Variants in OSBPL9 observed in about 807,000 individuals in gnomAD.
OSBPL9 encodes the protein oxysterol-binding protein-related protein 9.
A neutral mutation model predicts 106.6 loss-of-function variants in OSBPL9; 40 were observed. That is an observed-to-expected ratio of 0.38 (90% CI 0.29 to 0.49). OSBPL9 has a LOEUF of 0.49. OSBPL9 is among the 20% of genes least tolerant of loss of function. OSBPL9 has a pLI of 0.97. For synonymous variants in OSBPL9, 269 were observed against 295.4 expected (o/e 0.91, Z 0.92); for missense variants, 609 against 887.2 (o/e 0.69, Z 3.98).
intron 9 of OSBPL9, among the ~76,000 whole-genome samples, chr1:51,758,251 A>G (rs561094690): frequency 6.6e-6 from 1 of 152,280 alleles, no homozygotes; most frequent in African/African-American, 2.4e-5. Context: ...ATTCTACAAA[A>G]TAGAATGAGA....
chr1:51,678,655 T>C (rs999198124), intron 3 of OSBPL9, among the ~76,000 whole-genome samples: 1 of 152,188 alleles, frequency 6.6e-6, no homozygotes, highest in African/African-American at 2.4e-5. Flanking sequence ...AGCAAGACTC[T>C]GTCTCCAAAA....
chr1:51,782,491 T>C, intron 16 of OSBPL9, 68 bp from the exon 17 acceptor site: 7 of 1,297,350 alleles, frequency 5.4e-6, no homozygotes, highest in South Asian at 4.4e-5. Flanking sequence ...AGACCCCAAT[T>C]ACCAGATTCT....
At chr1:51,581,531 A>G (rs1645221582) in intron 1 of OSBPL9, among the ~76,000 whole-genome samples, 1 of 152,198 alleles carries the variant, frequency 6.6e-6, no homozygotes, top group South Asian at 2.1e-4. Context: ...CACCTCTTTG[A>G]GGGCAGAGTA....
chr1:51,770,229 C>T (rs1673567432), intron 12 of OSBPL9, among the ~76,000 whole-genome samples: 1 of 151,794 alleles, frequency 6.6e-6, no homozygotes, highest in Non-Finnish European at 1.5e-5. Flanking sequence ...GCAACCTCCA[C>T]CTCCCAGGTT....
intron 3 of OSBPL9, among the ~76,000 whole-genome samples, chr1:51,691,364 C>G (rs758211745): frequency 6.2e-5 from 9 of 146,154 alleles, no homozygotes; most frequent in Non-Finnish European, 8.9e-5. Context: ...ACTGCAACCT[C>G]TGACTCCTGG....
At chr1:51,590,360 C>G (rs1645268366) in intron 1 of OSBPL9, among the ~76,000 whole-genome samples, 1 of 151,564 alleles carries the variant, frequency 6.6e-6, no homozygotes, top group African/African-American at 2.4e-5. Flanking sequence ...GTGGCTCAAG[C>G]CTGTAATCCC....
Position 51,784,575 on chromosome 1 carries a change from G to A in OSBPL9, c.1822G>A (p.Glu608Lys), listed in dbSNP as rs369639185. Residue 608 changes from glutamate to lysine, a missense_variant, in exon 20 of 24, where the codon GAG becomes AAG. Glu to Lys is a moderately conservative substitution (Grantham distance 56). Coordinates refer to ENST00000428468, the MANE Select transcript of OSBPL9 (RefSeq NM_024586.6). The stretch of plus-strand genomic sequence containing the variant: ...GGGCAAGAAGCACAGAATTACTGCC[G>A]AGATTTTGTAGGTATTTTTTCTGCC... Reference protein sequence around the residue: ...YGGKKHRITAEIFSPNDKKSF... With the variant: ...YGGKKHRITAKIFSPNDKKSF... 1.7e-5 allele frequency: 27 copies of A among 1,613,760 alleles called. No homozygotes were observed. Among genetic ancestry groups the A allele is most frequent in the Non-Finnish European group, 2.2e-5 (26 of 1,179,894 alleles).
At chr1:51,526,690 T>C in the OSBPL9 span, among the ~76,000 whole-genome samples, 1 of 152,066 alleles carries the variant, frequency 6.6e-6, no homozygotes, top group Non-Finnish European at 1.5e-5. Flanking sequence ...TTAAATCTAG[T>C]GGCCTGGAAT....
intron 2 of OSBPL9, among the ~76,000 whole-genome samples, chr1:51,605,035 G>C (rs1363516051): frequency 6.6e-6 from 1 of 152,204 alleles, no homozygotes; most frequent in Admixed American, 6.5e-5. Flanking sequence ...ACATGGCAGA[G>C]TTGGGTGTTT....
chr1:51,735,974 CTA>C (rs761409754), intron 4 of OSBPL9, among the ~76,000 whole-genome samples: 16 of 152,158 alleles, frequency 1.1e-4, no homozygotes, highest in Non-Finnish European at 2.2e-4. Context: ...TAAAATAACT[CTA>C]TGAGTTATTT....
chr1:51,687,922 G>A (rs553950263), intron 3 of OSBPL9, among the ~76,000 whole-genome samples: 86 of 152,346 alleles, frequency 5.6e-4, no homozygotes, highest in African/African-American at 2.0e-3. Flanking sequence ...GCCTAGTGTG[G>A]AGCTTACTGC....
At chr1:51,607,195 G>A (rs1643955119) in intron 2 of OSBPL9, among the ~76,000 whole-genome samples, 1 of 126,878 alleles carries the variant, frequency 7.9e-6, no homozygotes, top group Non-Finnish European at 1.6e-5. Flanking sequence ...ACAGAGTCAT[G>A]CTCTGTCAGT....
chr1:51,777,224 T>C (rs1278605757), intron 15 of OSBPL9, among the ~76,000 whole-genome samples: 1 of 152,236 alleles, frequency 6.6e-6, no homozygotes, highest in Non-Finnish European at 1.5e-5. Flanking sequence ...AAATTATTTG[T>C]ACTATATCCT....
At position 51,752,727 on chromosome 1, in the gene OSBPL9, T is replaced by C. The variant is rs192997065; in HGVS notation, c.543+2532T>C. ...ATGTCTTCACATAGTCTTTCCTTGG[T>C]GAGTATGCACAGAGAGAGGGAGCGT... On this transcript the variant is annotated intron_variant, in intron 8 of 23. Transcript: ENST00000428468. The C allele has an allele frequency of 2.4e-4, 85 of 355,088 alleles. 1 individual carries two copies. The highest frequency in any genetic ancestry group is 1.4e-3 in the Admixed American group (41 of 28,358). The allele number at this position is 355,088 out of a possible 1,614,324, so 22.0% of individuals were successfully genotyped here.
chr1:51,755,644 C>T (rs116096775), intron 8 of OSBPL9, among the ~76,000 whole-genome samples: 81 of 152,260 alleles, frequency 5.3e-4, no homozygotes, highest in Middle Eastern at 3.4e-3. Flanking sequence ...TACTGTGTTG[C>T]GAGATGGTTT....
chr1:51,671,426 A>G (rs1247918354), intron 3 of OSBPL9, among the ~76,000 whole-genome samples: 1 of 152,174 alleles, frequency 6.6e-6, no homozygotes, highest in Non-Finnish European at 1.5e-5. Context: ...AGCAAATGAA[A>G]TATCAGTTGA....
At chr1:51,707,250 G>GC in intron 3 of OSBPL9, 1 of 280,864 alleles carries the variant, frequency 3.6e-6, no homozygotes, top group Admixed American at 3.6e-5. Flanking sequence ...GAGGGCAGTG[G>GC]TGGCCCCATC....
upstream of OSBPL9, chr1:51,617,022 C>CCCAGGA: frequency 1.4e-6 from 2 of 1,432,282 alleles, no homozygotes; most frequent in South Asian, 2.5e-5. Flanking sequence ...CCAGGACCCG[C>CCCAGGA]CCCGCCCCCT....
chr1:51,724,399 T>G (rs1032304736), intron 4 of OSBPL9, among the ~76,000 whole-genome samples: 17 of 152,178 alleles, frequency 1.1e-4, no homozygotes, highest in African/African-American at 3.6e-4. Flanking sequence ...TTCTCCTGCC[T>G]CAGCCTCCTG....
Sources: gnomAD v4.1 joint callset for allele counts (sites outside exome capture counted in the v4.1 genomes callset) on GRCh38, gnomAD v4.1.1 for gene constraint, MANE v1.5 for transcripts, NCBI Gene and HGNC (gene_info 2026-07-23, HGNC 2026-07-21) for gene names.